SI: variants seen among roughly 807,000 people sequenced by gnomAD.
SI encodes the protein sucrase-isomaltase, intestinal.
A neutral mutation model predicts 253.3 loss-of-function variants in SI; 235 were observed. The ratio of observed to expected loss-of-function variants is 0.93; its 90% CI spans 0.83 to 1.03. The LOEUF (loss-of-function observed/expected upper bound fraction) is 1.03. Ranked by LOEUF, SI falls within the 50% of genes least tolerant of loss-of-function variation. The pLI is 0.00. For missense variants in SI, 2,442 were observed against 2,211.1 expected, an observed-to-expected ratio of 1.10 and a Z score of -2.09; for synonymous variants, 819 against 712.0, an observed-to-expected ratio of 1.15 and a Z score of -2.39.
At chr3:165,005,534 A>T (rs1354159826) in intron 37 of SI, among the ~76,000 whole-genome samples, 1 of 152,154 alleles carries the variant, frequency 6.6e-6, no homozygotes, top group Non-Finnish European at 1.5e-5. Flanking sequence ...CCAAGTGATT[A>T]TAATATGTAG....
Position 165,059,932 on chromosome 3 carries a change from T to C in SI, c.1116A>G (p.Val372=). ...GTATGCCAGCTTCCCGGTTTCTCCT[T>C]ACCACTTCTTTCACTACATCTAGTG... The part of the protein sequence containing the change: ...YKSLDVVKEV[V]RRNREAGIPF... Residue 372 remains valine (V), a synonymous_variant, in exon 10 of 48, where the codon GTA becomes GTG. Coordinates refer to ENST00000264382, the MANE Select transcript of SI (RefSeq NM_001041.4). 1 of 1,612,236 alleles carries C rather than the reference T, an allele frequency of 6.2e-7. No homozygotes were observed. The highest frequency in any genetic ancestry group is 8.5e-7 in the Non-Finnish European group (1 of 1,178,674).
At chr3:164,982,900 G>T in intron 46 of SI, 102 bp downstream of exon 46, 20 of 1,136,220 alleles carry the variant, frequency 1.8e-5, no homozygotes, top group Non-Finnish European at 2.5e-5. Flanking sequence ...ATCCTCCCAT[G>T]TCAGCCTCCC....
chr3:165,021,410 T>A (rs1268947291), intron 26 of SI, 27 bp from the exon 27 acceptor site: 2 of 1,568,764 alleles, frequency 1.3e-6, no homozygotes, highest in East Asian at 4.5e-5. Flanking sequence ...GTAAAAAAGT[T>A]TATTCTGATT....
chr3:164,982,332 C>T lies in SI; in HGVS notation c.5326G>A (p.Gly1776Arg), dbSNP rs1490216086. ...GCATTGACAGGAGTAGTTCCTTTCCCCCATACATGAAGGGATCCAAGCCTC... is the reference window on the plus strand; with the variant it reads ...GCATTGACAGGAGTAGTTCCTTTCCTCCATACATGAAGGGATCCAAGCCTC... ...ETRLGSLHVW[G>R]KGTTPVNAVT... The change falls in exon 47 of 48, where the codon GGG becomes AGG. Residue 1776 changes from glycine to arginine, a missense_variant. By Grantham distance (125) the Gly-to-Arg change is moderately radical. Coordinates refer to ENST00000264382, the MANE Select transcript of SI (RefSeq NM_001041.4). 6.2e-7 allele frequency: 1 copy of T among 1,612,638 alleles called. No homozygotes were observed. Among genetic ancestry groups the T allele is most frequent in the South Asian group, 1.1e-5 (1 of 91,054 alleles).
At chr3:165,025,118 G>T (rs548096076) in intron 25 of SI, among the ~76,000 whole-genome samples, 2 of 150,848 alleles carry the variant, frequency 1.3e-5, no homozygotes, top group African/African-American at 4.9e-5. Context: ...GTTTGTAATC[G>T]CCCAGGGTTT....
At chr3:165,087,118 G>A in the SI span, among the ~76,000 whole-genome samples, 23 of 150,720 alleles carry the variant, frequency 1.5e-4, no homozygotes, top group South Asian at 4.6e-3. Flanking sequence ...CAATGAAATA[G>A]AAACAAACGA....
At chr3:165,055,557 C>G (rs1003775964) in intron 12 of SI, among the ~76,000 whole-genome samples, 1 of 151,786 alleles carries the variant, frequency 6.6e-6, no homozygotes, top group Non-Finnish European at 1.5e-5. Flanking sequence ...TATAAGGCTG[C>G]TATTTTGACT....
rs762526105 is a variant in SI, at chr3:165,059,919, C to T, written c.1129G>A (p.Glu377Lys). ...CTACTTACAAATGGTATGCCAGCTT[C>T]CCGGTTTCTCCTTACCACTTCTTTC... ...VVKEVVRRNR[E>K]AGIPFDTQVT... Residue 377 changes from glutamate (E) to lysine (K), a missense_variant, in exon 10 of 48, where the codon GAA becomes AAA. Physicochemically the swap from Glu to Lys is moderately conservative, Grantham distance 56. Transcript: ENST00000264382. 1.9e-6 allele frequency: 3 copies of T among 1,611,788 alleles called. No homozygotes were observed. The highest frequency in any genetic ancestry group is 2.2e-5 in the South Asian group (2 of 91,040).
Position 165,037,921 on chromosome 3 carries a change from G to T in SI, c.2405C>A (p.Pro802Gln). The T allele has an allele frequency of 1.2e-6, 2 of 1,608,380 alleles. No homozygotes were observed. The highest frequency in any genetic ancestry group is 1.7e-6 in the Non-Finnish European group (2 of 1,175,982). ...RGGYIIPIQE[P>Q]DVTTTASRKN... ...TTACCTTGCTGTTGTTGTTACATCT[G>T]GTTCTTGAATGGGGATGATATAACC... The change falls in exon 21 of 48, where the codon CCA becomes CAA. Residue 802 changes from proline to glutamine, a missense_variant. Transcript: ENST00000264382.
intron 37 of SI, among the ~76,000 whole-genome samples, chr3:165,006,494 T>G (rs1054948052): frequency 6.6e-6 from 1 of 152,196 alleles, no homozygotes; most frequent in African/African-American, 2.4e-5. Flanking sequence ...ATTAATTCAT[T>G]TATAAATATT....
intron 25 of SI, among the ~76,000 whole-genome samples, chr3:165,025,775 GACAA>G (rs1711882205): frequency 6.6e-6 from 1 of 151,308 alleles, no homozygotes; most frequent in South Asian, 2.1e-4. Flanking sequence ...ACCTTTTTCA[GACAA>G]ACAAATGCTG....
chr3:164,991,308 A>G (rs764324991), intron 44 of SI, 45 bp downstream of exon 44: 10 of 1,607,754 alleles, frequency 6.2e-6, no homozygotes, highest in Non-Finnish European at 1.7e-6. Flanking sequence ...TGCTAGCATG[A>G]TGTATCTCAA....
At chr3:165,078,314 A>G (rs1350587626) in intron 1 of SI, 119 bp downstream of exon 1, 1 of 151,968 alleles carries the variant, frequency 6.6e-6, no homozygotes, top group African/African-American at 2.4e-5. Context: ...CTTAAAATAT[A>G]TGATATTGCT....
At chr3:165,088,640 T>A in the SI span, among the ~76,000 whole-genome samples, 2 of 151,438 alleles carry the variant, frequency 1.3e-5, no homozygotes, top group African/African-American at 4.9e-5. Context: ...AGACTCTGTC[T>A]CAAAAAATAA....
At chr3:165,066,131 A>G (rs1426336165) in intron 6 of SI, among the ~76,000 whole-genome samples, 1 of 151,968 alleles carries the variant, frequency 6.6e-6, no homozygotes, top group Non-Finnish European at 1.5e-5. Flanking sequence ...TCTTCACTAA[A>G]CAATATAGTA....
In SI at chr3:165,039,896, A is replaced by G; in HGVS notation, c.2235T>C (p.Val745=). The change falls in exon 19 of 48, where the codon GTT becomes GTC. Residue 745 remains valine, a synonymous_variant. Coordinates refer to ENST00000264382, the MANE Select transcript of SI (RefSeq NM_001041.4). ...AACCTGTAGAGCCTACCTGTTTTAGAACAGGAGTAATAAGTAATGCAGGGC... is the reference window on the plus strand; with the variant it reads ...AACCTGTAGAGCCTACCTGTTTTAGGACAGGAGTAATAAGTAATGCAGGGC... ...LWGPALLITP[V]LKQGADTVSA... 1 of 1,611,628 alleles carries G rather than the reference A, an allele frequency of 6.2e-7. No homozygotes were observed. Among genetic ancestry groups the G allele is most frequent in the Non-Finnish European group, 8.5e-7 (1 of 1,177,928 alleles).
At position 165,059,904 on chromosome 3, in the gene SI, ATG is replaced by A; in HGVS notation, c.1142_1143del (p.Pro381LeufsTer2). The A allele has an allele frequency of 1.2e-6, 2 of 1,611,280 alleles. No homozygotes were observed. Among genetic ancestry groups the A allele is most frequent in the Non-Finnish European group, 1.7e-6 (2 of 1,177,882 alleles). On this transcript the variant is annotated frameshift_variant, in exon 10 of 48. Coordinates refer to ENST00000264382, the MANE Select transcript of SI (RefSeq NM_001041.4). LOFTEE classifies it high-confidence loss of function. ...CACGGACCCTTTATTCTACTTACAA[ATG>A]GTATGCCAGCTTCCCGGTTTCTCCT... ...VVRRNREAGI[P>X]FDTQVTDIDY... is the part of the protein sequence containing the mutation.
chr3:165,029,429 G>A (rs887057011), intron 25 of SI, among the ~76,000 whole-genome samples: 1 of 150,002 alleles, frequency 6.7e-6, no homozygotes, highest in African/African-American at 2.4e-5. Flanking sequence ...CCTGCTACTG[G>A]GTATCTACCC....
intron 44 of SI, among the ~76,000 whole-genome samples, chr3:164,990,133 G>A (rs1219403048): frequency 4.6e-5 from 7 of 152,062 alleles, no homozygotes; most frequent in African/African-American, 1.7e-4. Context: ...TTTACGGGGG[G>A]TGTTGAAAAT....
Sources: gnomAD v4.1 joint callset for allele counts (sites outside exome capture counted in the v4.1 genomes callset) on GRCh38, gnomAD v4.1.1 for gene constraint, MANE v1.5 for transcripts, NCBI Gene and HGNC (gene_info 2026-07-23, HGNC 2026-07-21) for gene names.